TRPM7: variants seen among roughly 807,000 people sequenced by gnomAD.
TRPM7 encodes transient receptor potential cation channel subfamily M member 7.
In TRPM7, 134 loss-of-function variants were observed where a neutral mutation model predicts 229.7. That is an observed-to-expected ratio of 0.58 (90% CI 0.51 to 0.67). TRPM7 has a LOEUF of 0.67. TRPM7 is among the 30% of genes least tolerant of loss of function. The pLI is 0.00. For missense variants in TRPM7, 1,901 were observed against 2,210.0 expected (o/e 0.86, Z 2.80); for synonymous variants, 699 against 715.2 (o/e 0.98, Z 0.36).
Position 50,606,111 on chromosome 15 carries a change from T to C in TRPM7, c.2710-967A>G, listed in dbSNP as rs576150062. Among the ~76,000 whole-genome samples, 36 of 152,354 alleles carry C rather than the reference T, an allele frequency of 2.4e-4. 1 individual carries two copies. In the South Asian group the frequency reaches 2.9e-3, roughly 12 times the overall value. The stretch of plus-strand genomic sequence containing the variant: ...AAACAATATTCATGGCCAGGTGCGG[T>C]GGCTCACGCCTACAATCCTAGCACT... On this transcript the variant is annotated intron_variant, in intron 20 of 38. Transcript: ENST00000646667.
chr15:50,619,223 C>CT (rs71124388), intron 13 of TRPM7, among the ~76,000 whole-genome samples: 2,143 of 137,230 alleles, frequency 0.016, 25 homozygotes, highest in Admixed American at 0.021. Flanking sequence ...GCTTTTTTTT[C>CT]TTTTTTTTTT....
chr15:50,635,957 C>T (rs970100278), intron 7 of TRPM7, among the ~76,000 whole-genome samples: 4 of 149,802 alleles, frequency 2.7e-5, no homozygotes, highest in Non-Finnish European at 5.9e-5. Flanking sequence ...ACAGCCAGGG[C>T]GACAGTGCGA....
At chr15:50,656,140 G>T (rs1473406104) in intron 3 of TRPM7, among the ~76,000 whole-genome samples, 1 of 152,070 alleles carries the variant, frequency 6.6e-6, no homozygotes, top group East Asian at 1.9e-4. Flanking sequence ...TTCATGTTCA[G>T]TTCAGTGTAG....
intron 13 of TRPM7, 37 bp from the exon 14 acceptor site, chr15:50,614,300 G>A (rs768767248): frequency 6.5e-7 from 1 of 1,549,936 alleles, no homozygotes; most frequent in South Asian, 1.2e-5. Flanking sequence ...AGATCAGATA[G>A]CACTTCTCAA....
chr15:50,633,532 A>G (rs1049585456), intron 8 of TRPM7, among the ~76,000 whole-genome samples: 3 of 152,208 alleles, frequency 2.0e-5, no homozygotes, highest in Non-Finnish European at 2.9e-5. Context: ...GCATATACAA[A>G]TAATTATCCC....
chr15:50,648,684 T>C lies in TRPM7; in HGVS notation c.321+3A>G, dbSNP rs532817752. 4.5e-4 allele frequency: 717 copies of C among 1,586,974 alleles called. 10 individuals carry two copies. The South Asian group carries it at 7.9e-3, about 17-fold the overall frequency. ...ATGAAGAAAAATCCAATATGTGACA[T>C]ACCTTAGCTCTGTAGGAATGAGAAC... On this transcript the variant is annotated splice_donor_region_variant and intron_variant, in intron 4 of 38. Transcript: ENST00000646667.
intron 38 of TRPM7, among the ~76,000 whole-genome samples, chr15:50,563,213 C>T (rs1053743491): frequency 1.3e-5 from 2 of 152,108 alleles, no homozygotes; most frequent in African/African-American, 4.8e-5. Context: ...TTCCACACCA[C>T]GACGGTAGAA....
At chr15:50,635,161 C>CA (rs1376402918) in intron 7 of TRPM7, among the ~76,000 whole-genome samples, 2 of 150,788 alleles carry the variant, frequency 1.3e-5, no homozygotes, top group African/African-American at 4.9e-5. Flanking sequence ...ACTGAAAATA[C>CA]AAAAAATTAA....
At position 50,643,247 on chromosome 15, in the gene TRPM7, C is replaced by A. The variant is rs113756308; in HGVS notation, c.535+93G>T. The A allele has an allele frequency of 8.5e-3, 8,594 of 1,016,432 alleles. 509 individuals carry two copies. The African/African-American group carries it at 0.13, about 15-fold the overall frequency. 63.0% of individuals were successfully genotyped at this position (1,016,432 alleles called of 1,614,324 possible). On this transcript the variant is annotated intron_variant, in intron 5 of 38. Coordinates refer to ENST00000646667, the MANE Select transcript of TRPM7 (RefSeq NM_017672.6). The stretch of plus-strand genomic sequence containing the variant: ...GAGGTTGCAGTGAGCCGAGATTGTG[C>A]CATTGCACTCCAGCCTGGCAACAGA...
At chr15:50,600,452 A>G (rs75188490) in intron 21 of TRPM7, among the ~76,000 whole-genome samples, 3 of 151,514 alleles carry the variant, frequency 2.0e-5, no homozygotes, top group Non-Finnish European at 2.9e-5. Context: ...AAAAAAAAAA[A>G]GGGAATATAC....
chr15:50,559,526 CAAAACA>C lies in TRPM7; in HGVS notation c.*2146_*2151del, dbSNP rs972859257. On this transcript the variant is annotated 3_prime_UTR_variant, in exon 39 of 39. Transcript: ENST00000646667. ...CAAAACAAAACAAAACAAAACAAAACAAAACAAAAACAGTATAGATGAAAGGCAGCC... is the reference window on the plus strand; with the variant it reads ...CAAAACAAAACAAAACAAAACAAAACAAAACAGTATAGATGAAAGGCAGCC... The C allele has an allele frequency of 4.3e-5, 5 of 115,270 alleles. No homozygotes were observed. The highest frequency in any genetic ancestry group is 4.1e-4 in the Admixed American group (4 of 9,806). 7.1% of individuals were successfully genotyped at this position (115,270 alleles called of 1,614,324 possible).
In TRPM7 at chr15:50,657,799, A is replaced by AGGCAT. The variant is rs2061615219; in HGVS notation, c.103_104insATGCC (p.Ile35AsnfsTer28). The AGGCAT allele has an allele frequency of 5.0e-6, 8 of 1,611,940 alleles. No individual in the cohort carries two copies. Among genetic ancestry groups the AGGCAT allele is most frequent in the African/African-American group, 1.3e-5 (1 of 74,868 alleles). On this transcript the variant is annotated frameshift_variant, in exon 3 of 39. Coordinates refer to ENST00000646667, the MANE Select transcript of TRPM7 (RefSeq NM_017672.6). LOFTEE classifies it high-confidence loss of function. ...AACTTACCTGACGAGTTGCTGACAA[A>AGGCAT]TTTGACATCCTGGAAGGCATCTATT...
At chr15:50,685,700 T>C (rs1344445128) in intron 1 of TRPM7, among the ~76,000 whole-genome samples, 1 of 152,194 alleles carries the variant, frequency 6.6e-6, no homozygotes, top group Non-Finnish European at 1.5e-5. Context: ...CTGATGTAAA[T>C]GACTTTCTTA....
At chr15:50,645,484 A>T (rs1306466265) in intron 4 of TRPM7, among the ~76,000 whole-genome samples, 1 of 151,852 alleles carries the variant, frequency 6.6e-6, no homozygotes, top group East Asian at 1.9e-4. Flanking sequence ...GGTGCGCACC[A>T]CCAGGCCCAG....
intron 13 of TRPM7, among the ~76,000 whole-genome samples, chr15:50,615,162 T>TC (rs2060186859): frequency 2.3e-5 from 1 of 44,162 alleles, no homozygotes; most frequent in African/African-American, 1.1e-4. Flanking sequence ...AGACTTTGTC[T>TC]CAAAAAAAAA....
In TRPM7 at chr15:50,570,082, T is replaced by A. The variant is rs757200093; in HGVS notation, c.5360+22A>T. 9.4e-6 allele frequency: 15 copies of A among 1,602,404 alleles called. No homozygotes were observed. In the East Asian group the frequency reaches 3.1e-4, roughly 33 times the overall value. On this transcript the variant is annotated intron_variant, in intron 37 of 38. Coordinates refer to ENST00000646667, the MANE Select transcript of TRPM7 (RefSeq NM_017672.6). ...TATAAAATGTGAAATTATGCCTTAA[T>A]GAAATAGTTAAAACTTATTACCTCT...
chr15:50,622,840 C>T (rs1433124345), intron 12 of TRPM7, among the ~76,000 whole-genome samples: 2 of 151,936 alleles, frequency 1.3e-5, no homozygotes, highest in Non-Finnish European at 2.9e-5. Context: ...GAGCCCAGAT[C>T]GTGCCACTGC....
At chr15:50,605,193 T>TA (rs774155009) in intron 20 of TRPM7, 49 bp from the exon 21 acceptor site, 1 of 1,407,142 alleles carries the variant, frequency 7.1e-7, no homozygotes, top group Non-Finnish European at 9.6e-7. Flanking sequence ...TTATTCCTAT[T>TA]AAAACACATA....
At chr15:50,652,686 C>A (rs939835202) in intron 3 of TRPM7, among the ~76,000 whole-genome samples, 119 of 152,120 alleles carry the variant, frequency 7.8e-4, no homozygotes, top group African/African-American at 2.7e-3. Context: ...CAATTCATTT[C>A]ATGAGGTGAG....
Sources: gnomAD v4.1 joint callset for allele counts (sites outside exome capture counted in the v4.1 genomes callset) on GRCh38, gnomAD v4.1.1 for gene constraint, MANE v1.5 for transcripts, NCBI Gene and HGNC (gene_info 2026-07-23, HGNC 2026-07-21) for gene names.